Variants in NDUFB10 observed in about 807,000 individuals in gnomAD.
The protein encoded by NDUFB10 is NADH dehydrogenase [ubiquinone] 1 beta subcomplex subunit 10.
NDUFB10 carries 23 observed loss-of-function variants against 19.0 expected under a neutral mutation model. The ratio of observed to expected loss-of-function variants is 1.21; its 90% confidence interval spans 0.87 to 1.71. The LOEUF is 1.71. NDUFB10 is among the 40% of genes most tolerant of loss of function. The pLI is 0.00. For synonymous variants in NDUFB10, 104 were observed against 81.8 expected (o/e 1.27, Z -1.46); for missense variants, 312 against 230.6 (o/e 1.35, Z -2.29).
In NDUFB10 at chr16:1,961,245, G is replaced by A. The variant is rs372642610; in HGVS notation, c.223G>A (p.Asp75Asn). 3 of 1,614,072 alleles carry A rather than the reference G, an allele frequency of 1.9e-6. No individual in the cohort carries two copies. The highest frequency in any genetic ancestry group is 1.7e-5 in the Admixed American group (1 of 60,024). The part of the protein sequence containing the change: ...VPDITECKEE[D>N]IMCMYEAEMQ... The stretch of plus-strand genomic sequence containing the variant: ...AGACATCACTGAGTGCAAGGAGGAG[G>A]ACATCATGTGCATGTATGAAGCCGA... Residue 75 changes from aspartate to asparagine, a missense_variant, in exon 2 of 4, where the codon GAC becomes AAC. Asp to Asn is a conservative substitution (Grantham distance 23). Coordinates refer to ENST00000268668, the MANE Select transcript of NDUFB10 (RefSeq NM_004548.3).
In NDUFB10 at chr16:1,961,675, C is replaced by T. The variant is rs113102368; in HGVS notation, c.409+39C>T. 3 of 1,543,402 alleles carry T rather than the reference C, an allele frequency of 1.9e-6. No homozygotes were observed. The African/African-American group carries it at 4.1e-5, about 21-fold the overall frequency. Reference sequence around the variant, plus strand: ...CCACCCCCAACCCCCCACCATCCTCCTGAGGCCTGGGGGCCAGAACCATTG... The same window carrying T: ...CCACCCCCAACCCCCCACCATCCTCTTGAGGCCTGGGGGCCAGAACCATTG... On this transcript the variant is annotated intron_variant, in intron 3 of 3. Transcript: ENST00000268668.
At chr16:1,961,341 G>A in intron 2 of NDUFB10, 50 bp downstream of exon 2, 1 of 1,608,944 alleles carries the variant, frequency 6.2e-7, no homozygotes, top group Non-Finnish European at 8.5e-7. Context: ...GTGCTGCTGG[G>A]ACACTAGTCC....
Position 1,959,761 on chromosome 16 carries a change from A to G in NDUFB10, c.130+7A>G, listed in dbSNP as rs4402569. ...CCCGTGACCCTCGTGAGAGGTACGAAGCCCCAGCCCGGGGCTCCCTCGCCG... is the reference window on the plus strand; with the variant it reads ...CCCGTGACCCTCGTGAGAGGTACGAGGCCCCAGCCCGGGGCTCCCTCGCCG... On this transcript the variant is annotated splice_region_variant and intron_variant, in intron 1 of 3. Coordinates refer to ENST00000268668, the MANE Select transcript of NDUFB10 (RefSeq NM_004548.3). The G allele has an allele frequency of 0.029, 47,046 of 1,612,626 alleles. 870 individuals carry two copies. Among genetic ancestry groups the G allele is most frequent in the African/African-American group, 0.078 (5,817 of 74,940 alleles).
chr16:1,961,036 C>A, intron 1 of NDUFB10, 117 bp from the exon 2 acceptor site: 2 of 1,288,944 alleles, frequency 1.6e-6, no homozygotes, highest in South Asian at 1.4e-5. Context: ...GTTTTCTAAA[C>A]GCTGGAACAC....
At position 1,961,945 on chromosome 16, in the gene NDUFB10, C is replaced by G. The variant is rs1170599650; in HGVS notation, c.*39C>G. On this transcript the variant is annotated 3_prime_UTR_variant, in exon 4 of 4. Coordinates refer to ENST00000268668, the MANE Select transcript of NDUFB10 (RefSeq NM_004548.3). ...GCCCCTGCTGTGTGGCTCTGTATGA[C>G]TGTTGCTGAAATATAAAGCCCTGCA... 1 of 1,530,596 alleles carries G rather than the reference C, an allele frequency of 6.5e-7. No homozygotes were observed. The highest frequency in any genetic ancestry group is 2.0e-5 in the Admixed American group (1 of 50,984). The allele number at this position is 1,530,596 out of a possible 1,614,324, so 94.8% of individuals were successfully genotyped here.
Position 1,961,869 on chromosome 16 carries a change from GA to G in NDUFB10, c.486del (p.Ala163LeufsTer29). On this transcript the variant is annotated frameshift_variant, in exon 4 of 4. Coordinates refer to ENST00000268668, the MANE Select transcript of NDUFB10 (RefSeq NM_004548.3). LOFTEE classifies it high-confidence loss of function. ...CAGAGGCAGAGGATGCTGCAAGAGA[GA>G]AAAGCTGCAAAAGAGGCCGCCGCTG... ...AKQRQRMLQE[R>X]KAAKEAAAAT... 1 of 1,565,834 alleles carries G rather than the reference GA, an allele frequency of 6.4e-7. No individual in the cohort carries two copies. The highest frequency in any genetic ancestry group is 1.2e-5 in the South Asian group (1 of 85,196).
rs752774466 is a variant in NDUFB10 at position 1,961,229 on chromosome 16, T to C, written c.207T>C (p.Thr69=). Residue 69 remains threonine (T), a synonymous_variant, in exon 2 of 4, where the codon ACT becomes ACC. Transcript: ENST00000268668. ...AGTACCGCCGCGTGCCAGACATCAC[T>C]GAGTGCAAGGAGGAGGACATCATGT... is the stretch of plus-strand genomic sequence containing the variant. ...HRQYRRVPDI[T]ECKEEDIMCM... 4 of 1,614,112 alleles carry C rather than the reference T, an allele frequency of 2.5e-6. No homozygotes were observed. The East Asian group carries it at 8.9e-5, about 36-fold the overall frequency.
At chr16:1,961,117 G>A (rs1186300891) in intron 1 of NDUFB10, 36 bp from the exon 2 acceptor site, 7 of 1,610,696 alleles carry the variant, frequency 4.3e-6, no homozygotes, top group East Asian at 2.2e-5. Context: ...TGTCCAAACC[G>A]ATGAGGCATT....
At position 1,961,292 on chromosome 16, in the gene NDUFB10, G is replaced by T. The variant is rs2083252702; in HGVS notation, c.269+1G>T. On this transcript the variant is annotated splice_donor_variant, in intron 2 of 3. Transcript: ENST00000268668. LOFTEE classifies it high-confidence loss of function. ...CCGAAATGCAGTGGAAGAGGGACTA[G>T]TACGTGAGCCATGCTGGGAGTGTGG... The T allele has an allele frequency of 1.2e-6, 2 of 1,613,980 alleles. No individual in the cohort carries two copies. The highest frequency in any genetic ancestry group is 1.7e-6 in the Non-Finnish European group (2 of 1,180,036).
intron 1 of NDUFB10, among the ~76,000 whole-genome samples, chr16:1,960,947 C>T (rs888551000): frequency 2.1e-4 from 32 of 152,204 alleles, no homozygotes; most frequent in African/African-American, 6.5e-4. Flanking sequence ...GCCTGGTACT[C>T]GGGAGCTCTC....
rs749711965 is a variant in NDUFB10 at position 1,961,530 on chromosome 16, G to A, written c.303G>A (p.Gln101=). Residue 101 remains glutamine, a synonymous_variant, in exon 3 of 4, where the codon CAG becomes CAA. Transcript: ENST00000268668. ...ACCAAGAAATTATCAACATTATGCA[G>A]GATCGGCTCAAAGCCTGTCAGCAGA... ...KVDQEIINIM[Q]DRLKACQQRE... is the part of the protein sequence containing the mutation. 6.2e-7 allele frequency: 1 copy of A among 1,614,050 alleles called. No homozygotes were observed. Among genetic ancestry groups the A allele is most frequent in the Non-Finnish European group, 8.5e-7 (1 of 1,180,014 alleles).
At position 1,959,560 on chromosome 16, in the gene NDUFB10, G is replaced by A. The variant is rs8062353; in HGVS notation, c.-65G>A. On this transcript the variant is annotated 5_prime_UTR_variant, in exon 1 of 4. Coordinates refer to ENST00000268668, the MANE Select transcript of NDUFB10 (RefSeq NM_004548.3). ...TCTGTAGCGGGCGACCTAGGCCGCGGGACCCGGACGGAGGTAGAGGCCAGG... is the reference window on the plus strand; with the variant it reads ...TCTGTAGCGGGCGACCTAGGCCGCGAGACCCGGACGGAGGTAGAGGCCAGG... The A allele has an allele frequency of 0.015, 23,480 of 1,525,114 alleles. 508 individuals carry two copies. The highest frequency in any genetic ancestry group is 0.094 in the African/African-American group (6,726 of 71,866). The allele number at this position is 1,525,114 out of a possible 1,614,324, so 94.5% of individuals were successfully genotyped here. A position where few individuals can be genotyped will look rare whatever the true frequency, so the allele number is the denominator to read the frequency against.
chr16:1,961,699 T>C (rs1332403715), intron 3 of NDUFB10, 63 bp downstream of exon 3: 8 of 1,300,606 alleles, frequency 6.2e-6, no homozygotes, highest in Non-Finnish European at 8.1e-6. Context: ...CCAGAACCAT[T>C]GCAAATCTTC....
Position 1,961,803 on chromosome 16 carries a change from A to T in NDUFB10, c.416A>T (p.Asp139Val). The change falls in exon 4 of 4, where the codon GAC becomes GTC. Residue 139 changes from aspartate (D) to valine (V), a missense_variant. Asp to Val is a radical substitution (Grantham distance 152). Transcript: ENST00000268668. Reference protein sequence around the residue: ...VAKAYQDRYQDLGAYSSARKC... With the variant: ...VAKAYQDRYQVLGAYSSARKC... ...GTTTCCATTGCTTCCCCAGATCAGGACCTGGGGGCCTACAGTTCTGCCAGG... is the reference window on the plus strand; with the variant it reads ...GTTTCCATTGCTTCCCCAGATCAGGTCCTGGGGGCCTACAGTTCTGCCAGG... 1.3e-6 allele frequency: 2 copies of T among 1,554,200 alleles called. No homozygotes were observed. Among genetic ancestry groups the T allele is most frequent in the Non-Finnish European group, 1.7e-6 (2 of 1,148,204 alleles).
At chr16:1,961,472 C>T (rs762019365) in intron 2 of NDUFB10, 25 bp from the exon 3 acceptor site, 3 of 1,612,824 alleles carry the variant, frequency 1.9e-6, no homozygotes, top group Non-Finnish European at 2.5e-6. Flanking sequence ...TGTGATTAGC[C>T]TCTCTTGCTC....
Position 1,961,232 on chromosome 16 carries a change from G to T in NDUFB10, c.210G>T (p.Glu70Asp), listed in dbSNP as rs147356577. 2.2e-5 allele frequency: 35 copies of T among 1,614,122 alleles called. No individual in the cohort carries two copies. Among genetic ancestry groups the T allele is most frequent in the Non-Finnish European group, 2.7e-5 (32 of 1,180,030 alleles). Reference sequence around the variant, plus strand: ...ACCGCCGCGTGCCAGACATCACTGAGTGCAAGGAGGAGGACATCATGTGCA... The same window carrying T: ...ACCGCCGCGTGCCAGACATCACTGATTGCAAGGAGGAGGACATCATGTGCA... ...RQYRRVPDIT[E>D]CKEEDIMCMY... The change falls in exon 2 of 4, where the codon GAG becomes GAT. Residue 70 changes from glutamate to aspartate, a missense_variant. Glu to Asp is a conservative substitution (Grantham distance 45). Coordinates refer to ENST00000268668, the MANE Select transcript of NDUFB10 (RefSeq NM_004548.3).
chr16:1,961,458 T>TC (rs1396426714), intron 2 of NDUFB10, 39 bp from the exon 3 acceptor site: 1 of 1,610,828 alleles, frequency 6.2e-7, no homozygotes, highest in Admixed American at 1.7e-5. Context: ...GGAAAAGGAT[T>TC]CCTTGTGATT....
chr16:1,961,017 C>T (rs138647351), intron 1 of NDUFB10, 136 bp from the exon 2 acceptor site: 66 of 1,097,368 alleles, frequency 6.0e-5, no homozygotes, highest in African/African-American at 3.0e-4. Context: ...CTTAGAGAGA[C>T]GAATTGCTGT....
chr16:1,961,884 AG>A lies in NDUFB10; in HGVS notation c.499del (p.Ala167ProfsTer25). 6.4e-7 allele frequency: 1 copy of A among 1,562,814 alleles called. No individual in the cohort carries two copies. Among genetic ancestry groups the A allele is most frequent in the South Asian group, 1.2e-5 (1 of 84,986 alleles). On this transcript the variant is annotated frameshift_variant, in exon 4 of 4. Transcript: ENST00000268668. LOFTEE classifies it high-confidence loss of function. ...CTGCAAGAGAGAAAAGCTGCAAAAG[AG>A]GCCGCCGCTGCCACCTCCTGAGGCA... is the stretch of plus-strand genomic sequence containing the variant. ...RMLQERKAAK[E>X]AAAATS
Sources: allele counts gnomAD v4.1 joint callset (sites outside exome capture counted in the v4.1 genomes callset), GRCh38; gene constraint gnomAD v4.1.1; transcripts MANE v1.5; gene names NCBI Gene and HGNC (gene_info 2026-07-23, HGNC 2026-07-21).